The following ARHGEF28 variants were observed in gnomAD, a reference collection of about 807,000 sequenced individuals.
ARHGEF28 encodes the protein 190 kDa guanine nucleotide exchange factor.
ARHGEF28 carries 152 observed loss-of-function variants against 206.6 expected under a neutral mutation model. That is an observed-to-expected ratio of 0.74 (90% CI 0.64 to 0.84). The LOEUF is 0.84. Ranked by LOEUF, ARHGEF28 falls within the 40% of genes least tolerant of loss-of-function variation. The pLI, the probability that ARHGEF28 is intolerant of heterozygous loss-of-function variation, is 0.00. For synonymous variants in ARHGEF28, 763 were observed against 776.4 expected (o/e 0.98, Z 0.29); for missense variants, 2,028 against 2,073.2 (o/e 0.98, Z 0.42).
chr5:73,772,109 A>C (rs1753258079), intron 4 of ARHGEF28, among the ~76,000 whole-genome samples: 1 of 152,192 alleles, frequency 6.6e-6, no homozygotes, highest in Admixed American at 6.5e-5. Flanking sequence ...CTCTATAGAT[A>C]TAGATATATA....
chr5:73,921,593 A>G (rs1287010493), intron 35 of ARHGEF28, among the ~76,000 whole-genome samples: 1 of 152,224 alleles, frequency 6.6e-6, no homozygotes, highest in East Asian at 1.9e-4. Flanking sequence ...CTTTTGCTGA[A>G]CAATTTCATA....
chr5:73,664,916 A>G (rs1745852042), intron 1 of ARHGEF28, among the ~76,000 whole-genome samples: 1 of 152,164 alleles, frequency 6.6e-6, no homozygotes, highest in African/African-American at 2.4e-5. Flanking sequence ...CAATGGCACC[A>G]TCCACCTAGT....
chr5:73,891,197 A>G lies in ARHGEF28; in HGVS notation c.3388-855A>G, dbSNP rs73762536. 5.4e-3 allele frequency among the ~76,000 whole-genome samples: 828 copies of G among 152,174 alleles called. 5 individuals carry two copies. The highest frequency in any genetic ancestry group is 0.019 in the African/African-American group (772 of 41,508). On this transcript the variant is annotated intron_variant, in intron 26 of 35. Transcript: ENST00000513042. ...GAGAAGAGGCAAGAACTTGTAGACCATTTTGTTGCTGTGACCCACATGACA... is the reference window on the plus strand; with the variant it reads ...GAGAAGAGGCAAGAACTTGTAGACCGTTTTGTTGCTGTGACCCACATGACA...
intron 2 of ARHGEF28, among the ~76,000 whole-genome samples, chr5:73,694,869 T>A (rs1748087565): frequency 6.6e-6 from 1 of 152,252 alleles, no homozygotes; most frequent in Non-Finnish European, 1.5e-5. Flanking sequence ...AGAAACAAGG[T>A]CTCACGTCCC....
intron 12 of ARHGEF28, among the ~76,000 whole-genome samples, chr5:73,847,769 C>G (rs766942691): frequency 1.3e-5 from 2 of 152,142 alleles, no homozygotes; most frequent in Admixed American, 6.5e-5. Flanking sequence ...ATTGTCATGA[C>G]AAATGGTTAC....
chr5:73,660,698 C>T (rs995012029), intron 1 of ARHGEF28, among the ~76,000 whole-genome samples: 2 of 152,200 alleles, frequency 1.3e-5, no homozygotes, highest in Non-Finnish European at 2.9e-5. Flanking sequence ...CAACATTAAT[C>T]TCCTTGTACA....
intron 9 of ARHGEF28, chr5:73,813,430 C>G: frequency 7.2e-6 from 10 of 1,386,148 alleles, no homozygotes; most frequent in Non-Finnish European, 9.4e-6. Flanking sequence ...GGAAGCAAAA[C>G]ATTTATTGCC....
Position 73,662,939 on chromosome 5 carries a change from G to A in ARHGEF28, c.-11-21902G>A, listed in dbSNP as rs367952529. ...GTAACTGAAGCAAAATTAAAATCTG[G>A]CTAAATTTCTTTTTTAAAAAATTGT... On this transcript the variant is annotated intron_variant, in intron 1 of 35. Coordinates refer to ENST00000513042, the MANE Select transcript of ARHGEF28 (RefSeq NM_001177693.2). Among the ~76,000 whole-genome samples the A allele has an allele frequency of 4.2e-4, 64 of 152,168 alleles. 1 individual carries two copies. The South Asian group carries it at 8.3e-3, about 20-fold the overall frequency.
intron 25 of ARHGEF28, among the ~76,000 whole-genome samples, chr5:73,886,470 C>T (rs1233129498): frequency 6.6e-6 from 1 of 152,188 alleles, no homozygotes; most frequent in South Asian, 2.1e-4. Context: ...CATGTCAACA[C>T]AGCCTAGGGC....
intron 2 of ARHGEF28, among the ~76,000 whole-genome samples, chr5:73,729,941 T>C (rs186556407): frequency 6.6e-6 from 1 of 152,340 alleles, no homozygotes; most frequent in African/African-American, 2.4e-5. Flanking sequence ...CAATTTGTAC[T>C]ATCTCACTTT....
rs753961568 is a variant in ARHGEF28, at chr5:73,752,928, G to C, written c.201G>C (p.Thr67=). 6 of 1,613,754 alleles carry C rather than the reference G, an allele frequency of 3.7e-6. No individual in the cohort carries two copies. In the African/African-American group the frequency reaches 6.7e-5, roughly 18 times the overall value. ...GTCCAGGCCATGGGCTTCAGGAGAC[G>C]GTGACGGTATCTGTGTGCCTCTGCT... ...SSVPGHGLQE[T]VTVSVCLCSE... The change falls in exon 4 of 36, where the codon ACG becomes ACC. Residue 67 remains threonine, a synonymous_variant. Coordinates refer to ENST00000513042, the MANE Select transcript of ARHGEF28 (RefSeq NM_001177693.2).
chr5:73,684,834 A>G lies in ARHGEF28; in HGVS notation c.-11-7A>G, dbSNP rs759232577. On this transcript the variant is annotated splice_region_variant and splice_polypyrimidine_tract_variant and intron_variant, in intron 1 of 35. Coordinates refer to ENST00000513042, the MANE Select transcript of ARHGEF28 (RefSeq NM_001177693.2). Reference sequence around the variant, plus strand: ...ATAACTTCTCTTGTTTATTATTTTCATTGCAGATGCGAAAGCCATGGAGTT... The same window carrying G: ...ATAACTTCTCTTGTTTATTATTTTCGTTGCAGATGCGAAAGCCATGGAGTT... The G allele has an allele frequency of 5.0e-6, 8 of 1,606,462 alleles. No homozygotes were observed. The highest frequency in any genetic ancestry group is 1.7e-4 in the Middle Eastern group (1 of 6,044).
intron 35 of ARHGEF28, among the ~76,000 whole-genome samples, chr5:73,939,591 C>T (rs1311784071): frequency 6.6e-6 from 1 of 152,164 alleles, no homozygotes; most frequent in East Asian, 1.9e-4. Context: ...CTCCTGTGGC[C>T]CTGGCTGCTC....
intron 3 of ARHGEF28, among the ~76,000 whole-genome samples, chr5:73,752,341 G>C (rs1207895706): frequency 6.6e-6 from 1 of 151,962 alleles, no homozygotes; most frequent in African/African-American, 2.4e-5. Flanking sequence ...GTCAGAAGAG[G>C]GGGCAGTGAG....
chr5:73,870,948 C>CG (rs1251595084), intron 21 of ARHGEF28, among the ~76,000 whole-genome samples: 1 of 152,132 alleles, frequency 6.6e-6, no homozygotes, highest in African/African-American at 2.4e-5. Context: ...CCAAAGTCCA[C>CG]GGGCAGTGAG....
At chr5:73,769,397 G>T (rs1213380773) in intron 4 of ARHGEF28, among the ~76,000 whole-genome samples, 1 of 152,260 alleles carries the variant, frequency 6.6e-6, no homozygotes, top group South Asian at 2.1e-4. Flanking sequence ...TACAACGTAT[G>T]TATATATGCC....
intron 29 of ARHGEF28, among the ~76,000 whole-genome samples, 186 bp from the exon 30 acceptor site, chr5:73,897,776 T>G (rs1762039337): frequency 6.6e-6 from 1 of 152,226 alleles, no homozygotes; most frequent in Non-Finnish European, 1.5e-5. Flanking sequence ...TGTGTGTGTG[T>G]GGTGTGCGCG....
chr5:73,833,646 G>T (rs1206428587), intron 10 of ARHGEF28, among the ~76,000 whole-genome samples: 1 of 152,124 alleles, frequency 6.6e-6, no homozygotes, highest in Non-Finnish European at 1.5e-5. Context: ...GGATGTGTTA[G>T]TCCCTTCCCA....
Position 73,682,690 on chromosome 5 carries a change from G to A in ARHGEF28, c.-11-2151G>A, listed in dbSNP as rs893548099. Among the ~76,000 whole-genome samples the A allele has an allele frequency of 2.6e-5, 4 of 152,166 alleles. No individual in the cohort carries two copies. The East Asian group carries it at 7.7e-4, about 29-fold the overall frequency. Reference sequence around the variant, plus strand: ...GCCTCCCAAAGTGCTGGCATTACAGGTGTGAGCCACCATGCCCAGCCCCAC... The same window carrying A: ...GCCTCCCAAAGTGCTGGCATTACAGATGTGAGCCACCATGCCCAGCCCCAC... On this transcript the variant is annotated intron_variant, in intron 1 of 35. Transcript: ENST00000513042.
Sources: gnomAD v4.1 joint callset for allele counts (sites outside exome capture counted in the v4.1 genomes callset) on GRCh38, gnomAD v4.1.1 for gene constraint, MANE v1.5 for transcripts, NCBI Gene and HGNC (gene_info 2026-07-23, HGNC 2026-07-21) for gene names.